C4orf50: variants seen among roughly 807,000 people sequenced by gnomAD.
C4orf50 encodes uncharacterized protein C4orf50.
A neutral mutation model predicts 77.2 loss-of-function variants in C4orf50; 80 were observed. That is an observed-to-expected ratio of 1.04 (90% CI 0.87 to 1.25). C4orf50 has a LOEUF of 1.25. Among genes scored for constraint, C4orf50 ranks in the 50% most tolerant of loss-of-function variants. C4orf50 has a pLI of 0.00. For missense variants in C4orf50, 1,257 were observed against 1,152.9 expected (o/e 1.09, Z -1.31); for synonymous variants, 532 against 465.3 (o/e 1.14, Z -1.84).
chr4:5,934,750 GCAA>G (rs1717933760), intron 7 of C4orf50, among the ~76,000 whole-genome samples: 1 of 152,168 alleles, frequency 6.6e-6, no homozygotes, highest in Non-Finnish European at 1.5e-5. Flanking sequence ...AATAACAATA[GCAA>G]CAACAATAAT....
At position 6,018,325 on chromosome 4, in the gene C4orf50, G is replaced by A; in HGVS notation, c.107C>T (p.Thr36Ile). The A allele has an allele frequency of 5.0e-6, 2 of 398,968 alleles. No individual in the cohort carries two copies. The highest frequency in any genetic ancestry group is 4.4e-6 in the Non-Finnish European group (1 of 226,080). 24.7% of individuals were successfully genotyped at this position (398,968 alleles called of 1,614,324 possible). Reference sequence around the variant, plus strand: ...TTCCATGTCCTGGAATATCCAGGATGTGTCAATCTTCACATCAACGTTCAT... The same window carrying A: ...TTCCATGTCCTGGAATATCCAGGATATGTCAATCTTCACATCAACGTTCAT... Residue 36 changes from threonine (T) to isoleucine (I), a missense_variant, in exon 23 of 34, where the codon ACA becomes ATA. By Grantham distance (89) the Thr-to-Ile change is moderately conservative. Coordinates refer to ENST00000531445, the Ensembl canonical transcript of C4orf50. The surrounding 1 kb of genome is among the most constrained non-coding windows in gnomAD (Gnocchi z 5.1).
intron 7 of C4orf50, among the ~76,000 whole-genome samples, chr4:5,933,996 T>TG (rs1356969846): frequency 1.3e-5 from 2 of 152,066 alleles, no homozygotes; most frequent in African/African-American, 4.8e-5. Context: ...GAAGGGTGTC[T>TG]GTGAGCGAGA....
chr4:5,910,091 G>A (rs1316099983), intron 7 of C4orf50, among the ~76,000 whole-genome samples: 1 of 151,932 alleles, frequency 6.6e-6, no homozygotes, highest in Non-Finnish European at 1.5e-5. Context: ...AGATCGCTTT[G>A]GGTAGTATGA....
At chr4:5,971,356 G>T (rs1428472447) in intron 31 of C4orf50, among the ~76,000 whole-genome samples, 2 of 152,226 alleles carry the variant, frequency 1.3e-5, no homozygotes, top group African/African-American at 4.8e-5. Context: ...TAGGAATCAA[G>T]ATGCAGACAC....
chr4:5,941,593 A>T (rs562896148), intron 7 of C4orf50, among the ~76,000 whole-genome samples: 2 of 152,178 alleles, frequency 1.3e-5, no homozygotes, highest in African/African-American at 4.8e-5. Context: ...AGTGTGCCCA[A>T]TACTTTTCTA....
At chr4:6,004,307 GTGA>G (rs145521265) in intron 25 of C4orf50, among the ~76,000 whole-genome samples, 1 of 31,640 alleles carries the variant, frequency 3.2e-5, no homozygotes, top group South Asian at 1.6e-3. Flanking sequence ...GGTGATGGTG[GTGA>G]TGATGTGATC....
At chr4:5,907,946 T>G (rs941836172) in intron 7 of C4orf50, among the ~76,000 whole-genome samples, 9 of 152,102 alleles carry the variant, frequency 5.9e-5, no homozygotes, top group African/African-American at 2.2e-4. Flanking sequence ...AGTCAATGAG[T>G]AGAATCAGCT....
At chr4:5,943,073 G>A (rs1477868521) in intron 7 of C4orf50, among the ~76,000 whole-genome samples, 1 of 152,136 alleles carries the variant, frequency 6.6e-6, no homozygotes, top group Non-Finnish European at 1.5e-5. Context: ...ATATATGAAA[G>A]GATATTTGAT....
intron 23 of C4orf50, 106 bp from the exon 2 acceptor site, chr4:6,012,074 T>C: frequency 2.5e-6 from 1 of 398,104 alleles, no homozygotes; most frequent in Non-Finnish European, 4.4e-6. Flanking sequence ...TTTTTGTCAC[T>C]GGGCCAATGT....
intron 31 of C4orf50, among the ~76,000 whole-genome samples, chr4:5,972,163 C>T (rs1230228555): frequency 6.6e-6 from 1 of 152,038 alleles, no homozygotes; most frequent in Non-Finnish European, 1.5e-5. Flanking sequence ...TGCCACCACG[C>T]CTAGCTAATT....
exon 34 of C4orf50, chr4:5,959,448 A>G: frequency 6.2e-7 from 1 of 1,614,214 alleles, no homozygotes; most frequent in Non-Finnish European, 8.5e-7. Flanking sequence ...CTCTTGGTGA[A>G]AAGCCAGGAT....
chr4:5,951,965 A>T (rs1040518095), intron 7 of C4orf50, among the ~76,000 whole-genome samples: 1 of 152,212 alleles, frequency 6.6e-6, no homozygotes, highest in Non-Finnish European at 1.5e-5. Context: ...AGCAAAAATA[A>T]AAGGGATGAT....
intron 25 of C4orf50, among the ~76,000 whole-genome samples, chr4:5,995,787 G>T (rs6857506): frequency 0.25 from 37,683 of 152,146 alleles, 4,999 homozygotes; most frequent in African/African-American, 0.29. Context: ...GTTTTAGATT[G>T]ACGAGTGCAT....
chr4:5,925,362 G>T (rs1190574019), intron 7 of C4orf50, among the ~76,000 whole-genome samples: 5 of 152,228 alleles, frequency 3.3e-5, no homozygotes, highest in African/African-American at 1.2e-4. Flanking sequence ...ACCATTCCAG[G>T]CAGGGAGGCA....
At chr4:5,989,631 C>A (rs1721135901) in exon 28 of C4orf50, 1 of 1,536,042 alleles carries the variant, frequency 6.5e-7, no homozygotes, top group African/African-American at 1.4e-5. Flanking sequence ...CCTGTGCAAG[C>A]TCATCGATTG....
At chr4:5,943,977 C>T (rs1040923752) in intron 7 of C4orf50, among the ~76,000 whole-genome samples, 3 of 152,224 alleles carry the variant, frequency 2.0e-5, no homozygotes, top group African/African-American at 7.2e-5. Context: ...TCCTTGCTTA[C>T]CTGTCATGTT....
At chr4:5,933,369 T>C (rs1174081128) in intron 7 of C4orf50, among the ~76,000 whole-genome samples, 2 of 152,190 alleles carry the variant, frequency 1.3e-5, no homozygotes, top group Admixed American at 1.3e-4. Context: ...CACAGAACTT[T>C]GGGATGGGGA....
rs900207875 is a variant in C4orf50, at chr4:6,015,315, G to A, written c.287+2830C>T. ...GGGTCCTTGTAAGAGGAGGAGAGGA[G>A]GACACAGACACACACAGAGGGATGA... On this transcript the variant is annotated intron_variant, in intron 23 of 33. Transcript: ENST00000531445. This position sits in a 1 kb window ranked among gnomAD's most constrained non-coding sequence, Gnocchi z 4.4. 1.3e-5 allele frequency among the ~76,000 whole-genome samples: 2 copies of A among 152,126 alleles called. No homozygotes were observed. Among genetic ancestry groups the A allele is most frequent in the Non-Finnish European group, 2.9e-5 (2 of 68,026 alleles).
At chr4:5,960,677 T>A (rs1033847195) in intron 33 of C4orf50, among the ~76,000 whole-genome samples, 3 of 152,124 alleles carry the variant, frequency 2.0e-5, no homozygotes, top group African/African-American at 4.8e-5. Context: ...CCCACACAGG[T>A]GCTGATGAAG....
Sources: allele counts gnomAD v4.1 joint callset (sites outside exome capture counted in the v4.1 genomes callset), GRCh38; gene constraint gnomAD v4.1.1; non-coding constraint Gnocchi (gnomAD v3.1); transcripts MANE v1.5; gene names NCBI Gene and HGNC (gene_info 2026-07-23, HGNC 2026-07-21).